Variants in C11orf58 observed in about 807,000 individuals in gnomAD.
The protein encoded by C11orf58 is chromosome 11 open reading frame 58.
In C11orf58, 5 loss-of-function variants were observed where a neutral mutation model predicts 22.7. The ratio of observed to expected loss-of-function variants is 0.22; its 90% CI spans 0.12 to 0.46. The LOEUF (loss-of-function observed/expected upper bound fraction) is 0.46. C11orf58 is among the 20% of genes least tolerant of loss of function. C11orf58 has a pLI of 0.99. For synonymous variants in C11orf58, 71 were observed against 70.7 expected, an observed-to-expected ratio of 1.00 and a Z score of -0.02; for missense variants, 151 against 223.3, an observed-to-expected ratio of 0.68 and a Z score of 2.06.
rs2134065051 is a variant in C11orf58 at position 16,738,763 on chromosome 11, C to T, written c.-16C>T. ...GGCGAGAGGGTTCGGCATTTTTCGT[C>T]GGGATCCCCGCAAGGATGAGTGCTG... is the stretch of plus-strand genomic sequence containing the variant. On this transcript the variant is annotated 5_prime_UTR_variant, in exon 1 of 5. Transcript: ENST00000228136. The T allele has an allele frequency of 6.2e-7, 1 of 1,613,532 alleles. No homozygotes were observed. Among genetic ancestry groups the T allele is most frequent in the Non-Finnish European group, 8.5e-7 (1 of 1,179,892 alleles).
At chr11:16,750,441 C>A (rs1282492325) in intron 3 of C11orf58, 2 of 152,208 alleles carry the variant, frequency 1.3e-5, no homozygotes, top group African/African-American at 2.4e-5. Context: ...GCTAAGAAGG[C>A]CTTTACTACT....
At chr11:16,738,914 G>C in intron 1 of C11orf58, 73 bp downstream of exon 1, 2 of 1,562,560 alleles carry the variant, frequency 1.3e-6, no homozygotes, top group Non-Finnish European at 1.8e-6. Flanking sequence ...AGGGTGGTTG[G>C]AGGAGGACGC....
intron 4 of C11orf58, 22 bp downstream of exon 4, chr11:16,752,916 T>C (rs750293005): frequency 4.5e-6 from 7 of 1,549,522 alleles, no homozygotes; most frequent in Non-Finnish European, 6.2e-6. Context: ...CTTATTTTCA[T>C]TGGGAAGATA....
intron 3 of C11orf58, 147 bp downstream of exon 3, chr11:16,748,304 T>TGTAATCCCG: frequency 1.7e-6 from 1 of 600,290 alleles, no homozygotes; most frequent in Non-Finnish European, 2.8e-6. Flanking sequence ...GCTTAATGCC[T>TGTAATCCCG]GTAATCCCGG....
rs776671371 is a variant in C11orf58 at position 16,752,773 on chromosome 11, C to G, written c.209-12C>G. On this transcript the variant is annotated splice_polypyrimidine_tract_variant and intron_variant, in intron 3 of 4. Coordinates refer to ENST00000228136, the MANE Select transcript of C11orf58 (RefSeq NM_014267.6). ...TTGACTGAAACATAACTAAAGTATC[C>G]TGGACATGCAGGGGAAGAAGACAAG... 3.8e-6 allele frequency: 6 copies of G among 1,565,542 alleles called. No homozygotes were observed. Among genetic ancestry groups the G allele is most frequent in the Non-Finnish European group, 5.3e-6 (6 of 1,141,036 alleles).
At chr11:16,741,433 G>A (rs899930275) in intron 1 of C11orf58, among the ~76,000 whole-genome samples, 3 of 152,212 alleles carry the variant, frequency 2.0e-5, no homozygotes, top group Non-Finnish European at 2.9e-5. Context: ...TATCTTATAG[G>A]AAGTGGGAAG....
At chr11:16,745,991 A>G (rs1848484874) in intron 2 of C11orf58, among the ~76,000 whole-genome samples, 1 of 152,242 alleles carries the variant, frequency 6.6e-6, no homozygotes, top group Non-Finnish European at 1.5e-5. Context: ...CTGGGTGGTC[A>G]TATAGATCAA....
chr11:16,740,868 C>T (rs180956651), intron 1 of C11orf58, among the ~76,000 whole-genome samples: 2 of 150,494 alleles, frequency 1.3e-5, no homozygotes, highest in Non-Finnish European at 2.9e-5. Context: ...CCAAGGCAGG[C>T]GGATCACGAG....
At chr11:16,740,892 A>G (rs1179477492) in intron 1 of C11orf58, among the ~76,000 whole-genome samples, 1 of 151,580 alleles carries the variant, frequency 6.6e-6, no homozygotes, top group African/African-American at 2.4e-5. Context: ...AGGAGATCCA[A>G]ACCATCCTGG....
intron 2 of C11orf58, 83 bp from the exon 3 acceptor site, chr11:16,748,014 G>T (rs1848501019): frequency 9.7e-7 from 1 of 1,031,988 alleles, no homozygotes; most frequent in Admixed American, 1.9e-5. Context: ...CAGAAGCCTA[G>T]AATAGTTTTC....
intron 3 of C11orf58, chr11:16,749,422 A>ATTTC (rs998369257): frequency 4.5e-4 from 69 of 152,366 alleles, no homozygotes; most frequent in Admixed American, 1.2e-3. Context: ...ATGGAAAAAT[A>ATTTC]TTTCAACTGC....
chr11:16,744,372 T>C (rs1236768311), intron 1 of C11orf58: 3 of 468,234 alleles, frequency 6.4e-6, no homozygotes, highest in Non-Finnish European at 1.1e-5. Flanking sequence ...GGCAAACTTT[T>C]GAGACTCAGC....
intron 2 of C11orf58, chr11:16,747,025 ATTTG>A (rs1848492602): frequency 6.6e-6 from 1 of 152,194 alleles, no homozygotes; most frequent in African/African-American, 2.4e-5. Flanking sequence ...CACAAAGTAT[ATTTG>A]TAATCCTAGC....
chr11:16,740,475 T>G (rs1848438140), intron 1 of C11orf58, among the ~76,000 whole-genome samples: 1 of 152,046 alleles, frequency 6.6e-6, no homozygotes, highest in Non-Finnish European at 1.5e-5. Context: ...CGATCAGTGC[T>G]CCCTGCAGCC....
chr11:16,744,785 C>A (rs1848475560), intron 2 of C11orf58, 101 bp downstream of exon 2: 4 of 1,081,862 alleles, frequency 3.7e-6, no homozygotes, highest in Non-Finnish European at 5.4e-6. Context: ...ATTCCATTTT[C>A]CTGTTCTGTG....
chr11:16,742,161 T>C (rs1590072398), intron 1 of C11orf58, among the ~76,000 whole-genome samples: 2 of 152,244 alleles, frequency 1.3e-5, no homozygotes, highest in African/African-American at 4.8e-5. Flanking sequence ...TGTTTTTTAA[T>C]AGAAGCAGAA....
intron 1 of C11orf58, among the ~76,000 whole-genome samples, chr11:16,742,001 C>T (rs1281821130): frequency 6.6e-6 from 1 of 152,196 alleles, no homozygotes; most frequent in Non-Finnish European, 1.5e-5. Context: ...GAAAAATTGT[C>T]TTCCACGAAA....
chr11:16,744,954 A>C (rs559192883), intron 2 of C11orf58, among the ~76,000 whole-genome samples: 19 of 152,322 alleles, frequency 1.2e-4, no homozygotes, highest in Non-Finnish European at 2.1e-4. Flanking sequence ...AGAGATGTCA[A>C]AGTTTATGAT....
intron 3 of C11orf58, chr11:16,749,978 T>C (rs72862562): frequency 0.31 from 47,162 of 152,122 alleles, 8,805 homozygotes; most frequent in Non-Finnish European, 0.42. Context: ...ACTGTGCATT[T>C]GTCTCAGTCA....
Sources: allele counts gnomAD v4.1 joint callset (sites outside exome capture counted in the v4.1 genomes callset), GRCh38; gene constraint gnomAD v4.1.1; transcripts MANE v1.5; gene names NCBI Gene and HGNC (gene_info 2026-07-23, HGNC 2026-07-21).